The following SLC10A6 variants were observed in gnomAD, a reference collection of about 807,000 sequenced individuals.
The protein encoded by SLC10A6 is solute carrier family 10 member 6, also known as sodium-dependent organic anion transporter.
Under a neutral mutation model 30.0 loss-of-function variants are expected in SLC10A6, and 27 were observed. The ratio of observed to expected loss-of-function variants is 0.90; its 90% CI spans 0.66 to 1.24. The LOEUF (loss-of-function observed/expected upper bound fraction) is 1.24. Ranked by LOEUF, SLC10A6 falls within the 50% of genes most tolerant of loss-of-function variation. The pLI is 0.00. For missense variants in SLC10A6, 439 were observed against 457.0 expected, an observed-to-expected ratio of 0.96 and a Z score of 0.36; for synonymous variants, 166 against 173.8, an observed-to-expected ratio of 0.95 and a Z score of 0.36.
At chr4:86,835,728 G>A (rs1746171423) in intron 1 of SLC10A6, among the ~76,000 whole-genome samples, 1 of 147,044 alleles carries the variant, frequency 6.8e-6, no homozygotes. Flanking sequence ...AAGAAAAGGA[G>A]AAGAAAGAAA....
At chr4:86,836,818 C>T (rs972983130) in intron 1 of SLC10A6, among the ~76,000 whole-genome samples, 2 of 151,990 alleles carry the variant, frequency 1.3e-5, no homozygotes, top group Non-Finnish European at 2.9e-5. Flanking sequence ...AGTGCAGTGG[C>T]GCAATCTCGG....
At chr4:86,836,295 C>T (rs1049157710) in intron 1 of SLC10A6, among the ~76,000 whole-genome samples, 1 of 152,130 alleles carries the variant, frequency 6.6e-6, no homozygotes, top group Non-Finnish European at 1.5e-5. Context: ...GGGAAGAGTA[C>T]TTGGTTTGAA....
chr4:86,831,359 C>T (rs1746078136), intron 3 of SLC10A6, among the ~76,000 whole-genome samples: 1 of 152,168 alleles, frequency 6.6e-6, no homozygotes, highest in Non-Finnish European at 1.5e-5. Flanking sequence ...GCCGTGACCC[C>T]AGGAATGCTT....
At chr4:86,824,218 C>T (rs527463262) in intron 5 of SLC10A6, among the ~76,000 whole-genome samples, 7 of 152,214 alleles carry the variant, frequency 4.6e-5, no homozygotes, top group African/African-American at 1.4e-4. Context: ...GCAAATACTG[C>T]GAGTGCTTAC....
chr4:86,831,660 C>T, intron 3 of SLC10A6, 132 bp downstream of exon 3: 2 of 727,380 alleles, frequency 2.7e-6, no homozygotes, highest in Non-Finnish European at 4.8e-6. Flanking sequence ...TCCAAAACCA[C>T]AGGATGTGTA....
intron 1 of SLC10A6, among the ~76,000 whole-genome samples, chr4:86,833,714 T>C (rs1256605038): frequency 2.0e-5 from 3 of 152,214 alleles, no homozygotes; most frequent in African/African-American, 7.2e-5. Context: ...TTCTTTTTTA[T>C]TGAAGTATAA....
intron 1 of SLC10A6, among the ~76,000 whole-genome samples, chr4:86,833,762 A>G (rs1322773838): frequency 6.6e-6 from 1 of 152,156 alleles, no homozygotes; most frequent in East Asian, 1.9e-4. Flanking sequence ...AAATTATACA[A>G]TTCAGCAGTT....
At chr4:86,826,488 C>T (rs1469901433) in intron 4 of SLC10A6, among the ~76,000 whole-genome samples, 3 of 151,710 alleles carry the variant, frequency 2.0e-5, no homozygotes, top group Admixed American at 1.3e-4. Context: ...GGCTGAGGCA[C>T]GAGAATCACT....
intron 5 of SLC10A6, 32 bp from the exon 6 acceptor site, chr4:86,823,934 C>T: frequency 1.3e-6 from 2 of 1,552,512 alleles, no homozygotes; most frequent in Non-Finnish European, 1.7e-6. Flanking sequence ...TATTAACAAT[C>T]ACTTTAACAA....
In SLC10A6 at chr4:86,823,841, T is replaced by C. The variant is rs762941128; in HGVS notation, c.981A>G (p.Thr327=). The change falls in exon 6 of 6, where the codon ACA becomes ACG. Residue 327 remains threonine, a synonymous_variant. Coordinates refer to ENST00000273905, the MANE Select transcript of SLC10A6 (RefSeq NM_197965.3). ...TCGATTTCCTCGTATGGCAGACTTCTGTGCAACCTGAGTTCTTTTTTCCAT... is the reference window on the plus strand; with the variant it reads ...TCGATTTCCTCGTATGGCAGACTTCCGTGCAACCTGAGTTCTTTTTTCCAT... The part of the protein sequence containing the change: ...NKHGKKNSGC[T]EVCHTRKSTS... The C allele has an allele frequency of 2.2e-5, 36 of 1,614,024 alleles. No individual in the cohort carries two copies. Among genetic ancestry groups the C allele is most frequent in the Non-Finnish European group, 2.9e-5 (34 of 1,179,986 alleles).
chr4:86,837,744 A>AGTCAAATATTTTATCTTTCAATT, intron 1 of SLC10A6: 2 of 454,280 alleles, frequency 4.4e-6, no homozygotes, highest in Middle Eastern at 1.1e-3. Context: ...CCATCAGACC[A>AGTCAAATATTTTATCTTTCAATT]GTCAAATATT....
chr4:86,826,389 G>C (rs1746000548), intron 4 of SLC10A6, among the ~76,000 whole-genome samples: 1 of 152,028 alleles, frequency 6.6e-6, no homozygotes, highest in Non-Finnish European at 1.5e-5. Context: ...GACCAGCCTG[G>C]CCAACATGGT....
chr4:86,845,902 TTC>T (rs1746383773), intron 1 of SLC10A6, among the ~76,000 whole-genome samples: 1 of 152,146 alleles, frequency 6.6e-6, no homozygotes, highest in Non-Finnish European at 1.5e-5. Context: ...AACCAATGGA[TTC>T]TGAAATGCCT....
rs79889358 is a variant in SLC10A6, at chr4:86,839,916, A to T, written c.378-6492T>A. Reference sequence around the variant, plus strand: ...TGTTACACTCTTATTTTTTTTTTTTATTTTTTTTTTTTAGCTGGAGCTCAC... The same window carrying T: ...TGTTACACTCTTATTTTTTTTTTTTTTTTTTTTTTTTTAGCTGGAGCTCAC... On this transcript the variant is annotated intron_variant, in intron 1 of 5. Transcript: ENST00000273905. Among the ~76,000 whole-genome samples the T allele has an allele frequency of 4.1e-3, 505 of 122,818 alleles. 2 individuals are homozygous for T. The highest frequency in any genetic ancestry group is 0.016 in the Middle Eastern group (4 of 254). The allele number at this position is 122,818 out of a possible 152,430, so 80.6% of individuals were successfully genotyped here.
chr4:86,844,551 G>C (rs1279695368), intron 1 of SLC10A6, among the ~76,000 whole-genome samples: 1 of 152,200 alleles, frequency 6.6e-6, no homozygotes, highest in African/African-American at 2.4e-5. Flanking sequence ...GAAGGAAGAG[G>C]ATCTGGTTTA....
chr4:86,841,297 T>C (rs1417735303), intron 1 of SLC10A6, among the ~76,000 whole-genome samples: 1 of 152,224 alleles, frequency 6.6e-6, no homozygotes, highest in Non-Finnish European at 1.5e-5. Flanking sequence ...CCCATGGTGA[T>C]CATGATATTG....
At chr4:86,828,192 G>A in intron 3 of SLC10A6, 24 bp from the exon 4 acceptor site, 1 of 1,599,494 alleles carries the variant, frequency 6.3e-7, no homozygotes, top group Middle Eastern at 1.7e-4. Context: ...TAAAATAAGT[G>A]AATATAAACT....
At chr4:86,837,651 T>A in intron 1 of SLC10A6, 1 of 985,030 alleles carries the variant, frequency 1.0e-6, no homozygotes, top group Non-Finnish European at 1.2e-6. Context: ...TAAGGCTGTA[T>A]TTTGTACCTA....
Position 86,833,390 on chromosome 4 carries a change from G to A in SLC10A6, c.412C>T (p.Leu138=). Reference sequence around the variant, plus strand: ...TAAATGCAGAGTGGCATCATTCCCAGGGCGGCCACGGTGGAACAGGTTGTC... The same window carrying A: ...TAAATGCAGAGTGGCATCATTCCCAAGGCGGCCACGGTGGAACAGGTTGTC... ...SMTTCSTVAA[L]GMMPLCIYLY... The change falls in exon 2 of 6, where the codon CTG becomes TTG. Residue 138 remains leucine, a synonymous_variant. Transcript: ENST00000273905. 6.2e-7 allele frequency: 1 copy of A among 1,613,946 alleles called. No homozygotes were observed. The highest frequency in any genetic ancestry group is 8.5e-7 in the Non-Finnish European group (1 of 1,179,922).
Sources: allele counts gnomAD v4.1 joint callset (sites outside exome capture counted in the v4.1 genomes callset), GRCh38; gene constraint gnomAD v4.1.1; transcripts MANE v1.5; gene names NCBI Gene and HGNC (gene_info 2026-07-23, HGNC 2026-07-21).